MTBP: variants seen among roughly 807,000 people sequenced by gnomAD.
MTBP encodes mdm2-binding protein.
MTBP carries 101 observed loss-of-function variants against 117.0 expected under a neutral mutation model. That is an observed-to-expected ratio of 0.86 (90% CI 0.73 to 1.02). MTBP has a LOEUF of 1.02. Among genes scored for constraint, MTBP ranks in the 50% least tolerant of loss-of-function variants. The probability of loss-of-function intolerance (pLI) is 0.00; values close to 1 mark genes in which losing one functional copy is unlikely to be tolerated. For synonymous variants in MTBP, 350 were observed against 351.5 expected (o/e 1.00, Z 0.05); for missense variants, 970 against 1,030.9 (o/e 0.94, Z 0.81).
At chr8:120,453,770 A>T in intron 4 of MTBP, 77 bp from the exon 5 acceptor site, 1 of 614,000 alleles carries the variant, frequency 1.6e-6, no homozygotes, top group Non-Finnish European at 2.7e-6. Flanking sequence ...CAATCTTTTT[A>T]GTTAATATTA....
intron 8 of MTBP, among the ~76,000 whole-genome samples, chr8:120,459,859 T>C (rs947372875): frequency 2.0e-5 from 3 of 152,204 alleles, no homozygotes; most frequent in African/African-American, 2.4e-5. Context: ...GCTTAACTTA[T>C]AGTGTAAGAA....
In MTBP at chr8:120,497,546, T is replaced by C; in HGVS notation, c.1601T>C (p.Ile534Thr). ...ATGGACAAAATTAAAACCTTCAATA[T>C]ATTAAATGGTAAGTTTTTTATTACT... ...RKMDKIKTFNILNDFSPVEPN... is the reference protein window; with the variant it reads ...RKMDKIKTFNTLNDFSPVEPN... Residue 534 changes from isoleucine to threonine, a missense_variant, in exon 14 of 22, where the codon ATA becomes ACA. Coordinates refer to ENST00000305949, the MANE Select transcript of MTBP (RefSeq NM_022045.5). The C allele has an allele frequency of 1.4e-6, 2 of 1,479,466 alleles. No homozygotes were observed. Among genetic ancestry groups the C allele is most frequent in the Non-Finnish European group, 1.8e-6 (2 of 1,085,036 alleles). The allele number at this position is 1,479,466 out of a possible 1,614,324, so 91.6% of individuals were successfully genotyped here. A position where few individuals can be genotyped will look rare whatever the true frequency, so the allele number is the denominator to read the frequency against.
At chr8:120,463,603 T>C in intron 9 of MTBP, 89 bp from the exon 10 acceptor site, 1 of 1,070,734 alleles carries the variant, frequency 9.3e-7, no homozygotes, top group Non-Finnish European at 1.3e-6. Context: ...TTTAAGCAAC[T>C]GTGGAAGAAT....
intron 11 of MTBP, among the ~76,000 whole-genome samples, chr8:120,475,852 A>C (rs1431835297): frequency 6.6e-6 from 1 of 152,074 alleles, no homozygotes; most frequent in East Asian, 1.9e-4. Flanking sequence ...TGAAATTGTC[A>C]AAAAATTGAA....
chr8:120,454,923 A>G (rs1312765478), intron 5 of MTBP, among the ~76,000 whole-genome samples: 2 of 152,018 alleles, frequency 1.3e-5, no homozygotes, highest in East Asian at 1.9e-4. Flanking sequence ...TCAGGATCCA[A>G]TGATGATGTC....
chr8:120,508,106 GCTATCAAATGTATCTT>G (rs1178135315), intron 16 of MTBP, among the ~76,000 whole-genome samples: 7 of 152,086 alleles, frequency 4.6e-5, no homozygotes, highest in South Asian at 4.1e-4. Flanking sequence ...GAACTGCATG[GCTATCAAATGTATCTT>G]CTGTTAACAT....
At chr8:120,512,304 T>A (rs1483148903) in intron 17 of MTBP, among the ~76,000 whole-genome samples, 1 of 152,174 alleles carries the variant, frequency 6.6e-6, no homozygotes, top group Non-Finnish European at 1.5e-5. Context: ...ACTGAAGCAC[T>A]GATTTGAATA....
At chr8:120,477,290 A>G (rs1379790979) in intron 11 of MTBP, among the ~76,000 whole-genome samples, 2 of 152,226 alleles carry the variant, frequency 1.3e-5, no homozygotes, top group Non-Finnish European at 2.9e-5. Context: ...ACCTAAAACC[A>G]TAAAAACCCT....
intron 17 of MTBP, among the ~76,000 whole-genome samples, chr8:120,512,581 T>G (rs1353751602): frequency 6.6e-6 from 1 of 151,656 alleles, no homozygotes; most frequent in Non-Finnish European, 1.5e-5. Flanking sequence ...CTGAAGGGCT[T>G]AAATCTACAC....
intron 11 of MTBP, among the ~76,000 whole-genome samples, chr8:120,475,942 A>T (rs1028114107): frequency 1.3e-5 from 2 of 152,042 alleles, no homozygotes; most frequent in African/African-American, 4.8e-5. Context: ...ACTATGTGCC[A>T]TATGCTGTGG....
intron 4 of MTBP, among the ~76,000 whole-genome samples, chr8:120,453,563 C>CT (rs562466595): frequency 4.6e-5 from 7 of 151,564 alleles, no homozygotes; most frequent in East Asian, 3.9e-4. Context: ...GTTTTATTTC[C>CT]TTTTTTTTGA....
At chr8:120,445,750 T>A (rs538440152) in intron 1 of MTBP, among the ~76,000 whole-genome samples, 162 bp downstream of exon 1, 1 of 152,268 alleles carries the variant, frequency 6.6e-6, no homozygotes, top group East Asian at 1.9e-4. Context: ...AATAGCATCT[T>A]CATGGAAAAA....
chr8:120,473,224 T>A (rs1467211177), intron 11 of MTBP: 1 of 152,038 alleles, frequency 6.6e-6, no homozygotes, highest in Non-Finnish European at 1.5e-5. Flanking sequence ...TATTTTTAAA[T>A]TTTTTTTGGA....
chr8:120,502,235 C>A (rs1460610870), intron 14 of MTBP, among the ~76,000 whole-genome samples: 1 of 152,100 alleles, frequency 6.6e-6, no homozygotes, highest in African/African-American at 2.4e-5. Flanking sequence ...CTAAATAGTG[C>A]TAATTCAATT....
chr8:120,512,536 AAATAT>A (rs1247839746), intron 17 of MTBP, among the ~76,000 whole-genome samples: 1 of 129,646 alleles, frequency 7.7e-6, no homozygotes, highest in Non-Finnish European at 1.8e-5. Flanking sequence ...TCATTTATCA[AAATAT>A]TAAATTAAGA....
In MTBP at chr8:120,519,890, T is replaced by A. The variant is rs573629174; in HGVS notation, c.2610+1073T>A. On this transcript the variant is annotated intron_variant, in intron 20 of 21. Coordinates refer to ENST00000305949, the MANE Select transcript of MTBP (RefSeq NM_022045.5). ...TTTGCATGCTCTTCTCCCCAAATGT[T>A]CACTACAAGGTCTATCATGCATAGG... Among the ~76,000 whole-genome samples, 8 of 152,258 alleles carry A rather than the reference T, an allele frequency of 5.3e-5. No homozygotes were observed. In the South Asian group the frequency reaches 1.7e-3, roughly 32 times the overall value.
intron 2 of MTBP, among the ~76,000 whole-genome samples, chr8:120,450,578 T>A (rs999874479): frequency 6.6e-6 from 1 of 152,186 alleles, no homozygotes; most frequent in East Asian, 1.9e-4. Context: ...GTTTGCTCTT[T>A]AACGCCTCTG....
chr8:120,457,635 C>G (rs889046932), intron 7 of MTBP, among the ~76,000 whole-genome samples: 7 of 152,142 alleles, frequency 4.6e-5, no homozygotes, highest in Non-Finnish European at 7.4e-5. Flanking sequence ...AGAAATCCCA[C>G]ATAGGCTGGG....
Position 120,455,521 on chromosome 8 carries a change from A to G in MTBP, c.571A>G (p.Lys191Glu), listed in dbSNP as rs753315475. 5.0e-6 allele frequency: 8 copies of G among 1,609,914 alleles called. No individual in the cohort carries two copies. The highest frequency in any genetic ancestry group is 5.9e-6 in the Non-Finnish European group (7 of 1,177,800). Residue 191 changes from lysine to glutamate, a missense_variant, in exon 6 of 22, where the codon AAA becomes GAA. Lys to Glu is a moderately conservative substitution (Grantham distance 56). Coordinates refer to ENST00000305949, the MANE Select transcript of MTBP (RefSeq NM_022045.5). ...CTATTTACCTACTGTAGGAGCATTA[A>G]AACATTTGAGAGAATGGTATTCAGC... Reference protein sequence around the residue: ...KDYLPTVGALKHLREWYSAKI... With the variant: ...KDYLPTVGALEHLREWYSAKI...
Sources: allele counts gnomAD v4.1 joint callset (sites outside exome capture counted in the v4.1 genomes callset), GRCh38; gene constraint gnomAD v4.1.1; transcripts MANE v1.5; gene names NCBI Gene and HGNC (gene_info 2026-07-23, HGNC 2026-07-21).